The following FGF2 variants were observed in gnomAD, a reference collection of about 807,000 sequenced individuals.
FGF2 encodes the protein basic fibroblast growth factor bFGF.
FGF2 carries 13 observed loss-of-function variants against 15.9 expected under a neutral mutation model. The ratio of observed to expected loss-of-function variants is 0.82; its 90% confidence interval spans 0.53 to 1.30. The LOEUF (loss-of-function observed/expected upper bound fraction) is 1.30, where lower values mean the gene tolerates loss of function less well. Ranked by LOEUF, FGF2 falls within the 50% of genes most tolerant of loss-of-function variation. The pLI, the probability that FGF2 is intolerant of heterozygous loss-of-function variation, is 0.00. For missense variants in FGF2, 163 were observed against 196.9 expected (o/e 0.83, Z 1.03); for synonymous variants, 90 against 78.4 (o/e 1.15, Z -0.78).
chr4:122,860,964 TGTTAGATACCTTA>T, intron 1 of FGF2, among the ~76,000 whole-genome samples: 1 of 152,210 alleles, frequency 6.6e-6, no homozygotes. Flanking sequence ...AAATAATAAC[TGTTAGATACCTTA>T]GTTTCCAAGT....
chr4:122,890,465 G>T (rs1008795152), intron 2 of FGF2, among the ~76,000 whole-genome samples: 1 of 152,062 alleles, frequency 6.6e-6, no homozygotes, highest in Non-Finnish European at 1.5e-5. Context: ...ATTTAACAGT[G>T]GTCAAAATAT....
chr4:122,860,225 A>T (rs1487543160), intron 1 of FGF2, among the ~76,000 whole-genome samples: 1 of 151,858 alleles, frequency 6.6e-6, no homozygotes, highest in African/African-American at 2.4e-5. Context: ...ATATTTTTTT[A>T]ATAACTAACA....
In FGF2 at chr4:122,887,801, A is replaced by C. The variant is rs563055205; in HGVS notation, c.283-4410A>C. Reference sequence around the variant, plus strand: ...GTTGCCCCATCACTAACACATGACAAATTTATATCACTATCATATGTATAC... The same window carrying C: ...GTTGCCCCATCACTAACACATGACACATTTATATCACTATCATATGTATAC... On this transcript the variant is annotated intron_variant, in intron 2 of 2. Transcript: ENST00000644866. Among the ~76,000 whole-genome samples, 45 of 152,180 alleles carry C rather than the reference A, an allele frequency of 3.0e-4. No individual in the cohort carries two copies. The South Asian group carries it at 9.4e-3, about 32-fold the overall frequency.
At chr4:122,835,189 C>G (rs540785617) in intron 1 of FGF2, among the ~76,000 whole-genome samples, 4 of 152,294 alleles carry the variant, frequency 2.6e-5, no homozygotes, top group South Asian at 2.1e-4. Flanking sequence ...AGTACTAACT[C>G]TATCTCCCAT....
At chr4:122,882,375 A>C (rs1018705443) in intron 2 of FGF2, 3 of 152,250 alleles carry the variant, frequency 2.0e-5, no homozygotes, top group Non-Finnish European at 4.4e-5. Context: ...AGACAAGTTA[A>C]AAGAATGTAG....
At position 122,897,628 on chromosome 4, in the gene FGF2, ATCT is replaced by A. The variant is rs747627491; in HGVS notation, c.*5238_*5240del. The A allele has an allele frequency of 3.2e-5, 51 of 1,600,678 alleles. No homozygotes were observed. The highest frequency in any genetic ancestry group is 3.9e-5 in the Non-Finnish European group (46 of 1,167,968). On this transcript the variant is annotated 3_prime_UTR_variant, in exon 3 of 3. Coordinates refer to ENST00000644866, the MANE Select transcript of FGF2 (RefSeq NM_001361665.2). Reference sequence around the variant, plus strand: ...AAAAATATAAAAGATACACACCAATATCTTCTTCAGGCTCTGACAGGCCTCCTG... The same window carrying A: ...AAAAATATAAAAGATACACACCAATATCTTCAGGCTCTGACAGGCCTCCTG...
Position 122,892,913 on chromosome 4 carries a change from A to G in FGF2, c.*517A>G. 6.2e-7 allele frequency: 1 copy of G among 1,614,102 alleles called. No homozygotes were observed. Among genetic ancestry groups the G allele is most frequent in the Non-Finnish European group, 8.5e-7 (1 of 1,179,976 alleles). ...AAACAGTCCTGTGTAAACTGCTGGA[A>G]GTTCTTCCACAGTCAGGTCAATTTT... On this transcript the variant is annotated 3_prime_UTR_variant, in exon 3 of 3. Transcript: ENST00000644866.
At chr4:122,891,134 A>G (rs112198135) in intron 2 of FGF2, among the ~76,000 whole-genome samples, 5,246 of 147,662 alleles carry the variant, frequency 0.036, 296 homozygotes, top group African/African-American at 0.12. Context: ...TCCGCCTCCC[A>G]GGTTCATGCC....
chr4:122,876,417 T>C lies in FGF2; in HGVS notation c.275T>C (p.Leu92Pro). The C allele has an allele frequency of 6.2e-7, 1 of 1,601,682 alleles. No individual in the cohort carries two copies. Among genetic ancestry groups the C allele is most frequent in the South Asian group, 1.1e-5 (1 of 90,818 alleles). Residue 92 changes from leucine to proline, a missense_variant, in exon 2 of 3, where the codon CTG (leucine) becomes CCG (proline). Leu to Pro is a moderately conservative substitution (Grantham distance 98, BLOSUM62 -3). Transcript: ENST00000644866. The stretch of plus-strand genomic sequence containing the variant: ...GCTATGAAGGAAGATGGAAGATTAC[T>C]GGCTTCTGTAAGCATACTTTCTGTT... Reference protein sequence around the residue: ...YLAMKEDGRLLASKCVTDECF... With the variant: ...YLAMKEDGRLPASKCVTDECF...
rs114317255 is a variant in FGF2 at position 122,852,722 on chromosome 4, C to T, written c.179-23599C>T. Among the ~76,000 whole-genome samples, 403 of 152,272 alleles carry T rather than the reference C, an allele frequency of 2.6e-3. 1 individual carries two copies. The highest frequency in any genetic ancestry group is 9.5e-3 in the African/African-American group (394 of 41,574). ...CCCCTAAACACAACATTTTTTTCCA[C>T]TGCTCATTTTTTACCAAAATTCAAA... On this transcript the variant is annotated intron_variant, in intron 1 of 2. Coordinates refer to ENST00000644866, the MANE Select transcript of FGF2 (RefSeq NM_001361665.2).
At chr4:122,860,677 G>C (rs45478695) in intron 1 of FGF2, among the ~76,000 whole-genome samples, 3 of 151,920 alleles carry the variant, frequency 2.0e-5, no homozygotes, top group African/African-American at 7.2e-5. Context: ...GGCTGGTCTC[G>C]AATTCCTGGC....
At chr4:122,886,409 A>G (rs1307488914) in intron 2 of FGF2, among the ~76,000 whole-genome samples, 2 of 152,112 alleles carry the variant, frequency 1.3e-5, no homozygotes, top group African/African-American at 4.8e-5. Context: ...CTTCCTTTCC[A>G]TACTATACTG....
At chr4:122,849,011 G>A (rs1726172142) in intron 1 of FGF2, among the ~76,000 whole-genome samples, 1 of 152,128 alleles carries the variant, frequency 6.6e-6, no homozygotes, top group Non-Finnish European at 1.5e-5. Context: ...CTTGCTTCCT[G>A]GACAACTGGC....
At chr4:122,848,006 G>C (rs546202586) in intron 1 of FGF2, among the ~76,000 whole-genome samples, 7 of 152,330 alleles carry the variant, frequency 4.6e-5, no homozygotes, top group Non-Finnish European at 7.3e-5. Flanking sequence ...GCCCAGCCAA[G>C]CTGACACATA....
intron 1 of FGF2, chr4:122,840,724 T>A (rs972886766): frequency 6.4e-6 from 1 of 156,946 alleles, no homozygotes; most frequent in Non-Finnish European, 1.4e-5. Context: ...AGAAAAACTA[T>A]CTTCTGGAAA....
chr4:122,865,221 A>G (rs1276772537), intron 1 of FGF2, among the ~76,000 whole-genome samples: 1 of 152,200 alleles, frequency 6.6e-6, no homozygotes, highest in Non-Finnish European at 1.5e-5. Flanking sequence ...AGTTTTCATT[A>G]TCATAAAACT....
At chr4:122,841,389 T>C (rs771940232) in intron 1 of FGF2, among the ~76,000 whole-genome samples, 10 of 152,244 alleles carry the variant, frequency 6.6e-5, no homozygotes, top group Non-Finnish European at 1.0e-4. Flanking sequence ...ATGGCATTTC[T>C]GCTATTCCGC....
At chr4:122,844,157 A>G (rs1419617586) in intron 1 of FGF2, among the ~76,000 whole-genome samples, 1 of 152,216 alleles carries the variant, frequency 6.6e-6, no homozygotes, top group Non-Finnish European at 1.5e-5. Flanking sequence ...GTAATATTCT[A>G]AATCCTTTGT....
intron 1 of FGF2, among the ~76,000 whole-genome samples, chr4:122,861,547 G>A (rs1726466744): frequency 6.6e-6 from 1 of 151,354 alleles, no homozygotes; most frequent in Non-Finnish European, 1.5e-5. Context: ...CATAGCCCCT[G>A]TGAATCCTGC....
Sources: allele counts gnomAD v4.1 joint callset (sites outside exome capture counted in the v4.1 genomes callset), GRCh38; gene constraint gnomAD v4.1.1; transcripts MANE v1.5; gene names NCBI Gene and HGNC (gene_info 2026-07-23, HGNC 2026-07-21).